The following PCDH15 variants were observed in gnomAD, a reference collection of about 807,000 sequenced individuals.
PCDH15 encodes the protein protocadherin related 15.
Under a neutral mutation model 178.5 loss-of-function variants are expected in PCDH15, and 129 were observed. The observed-to-expected ratio is 0.72, with a 90% CI of 0.63 to 0.84. The LOEUF (loss-of-function observed/expected upper bound fraction) is 0.84, where lower values mean the gene tolerates loss of function less well. Ranked by LOEUF, PCDH15 falls within the 40% of genes least tolerant of loss-of-function variation. PCDH15 has a pLI of 0.00. For missense variants in PCDH15, 2,230 were observed against 2,099.9 expected (o/e 1.06, Z -1.21); for synonymous variants, 800 against 732.0 (o/e 1.09, Z -1.50).
intron 21 of PCDH15, among the ~76,000 whole-genome samples, chr10:53,988,621 T>A (rs1452118364): frequency 6.6e-6 from 1 of 152,048 alleles, no homozygotes; most frequent in Non-Finnish European, 1.5e-5. Context: ...AGAATCCAGG[T>A]CATGAGAAGC....
intron 2 of PCDH15, among the ~76,000 whole-genome samples, chr10:55,517,591 GT>G (rs1450761655): frequency 6.6e-6 from 1 of 152,124 alleles, no homozygotes; most frequent in East Asian, 1.9e-4. Flanking sequence ...GAGAATAGTG[GT>G]TTTTTTACAA....
At chr10:54,763,107 G>A (rs1479228516) in intron 1 of PCDH15, among the ~76,000 whole-genome samples, 1 of 152,118 alleles carries the variant, frequency 6.6e-6, no homozygotes. Flanking sequence ...GGGTAATAGG[G>A]AGGCTCATTT....
At chr10:54,348,232 C>G (rs1006744561) in intron 5 of PCDH15, among the ~76,000 whole-genome samples, 4 of 152,096 alleles carry the variant, frequency 2.6e-5, no homozygotes, top group Admixed American at 2.6e-4. Context: ...TTTGCAATCT[C>G]TGATTTAGGA....
chr10:55,200,386 T>C (rs549641986), intron 1 of PCDH15, among the ~76,000 whole-genome samples: 1 of 152,120 alleles, frequency 6.6e-6, no homozygotes, highest in Non-Finnish European at 1.5e-5. Context: ...TTCTCCTGTC[T>C]GGAATGGAAT....
chr10:55,256,139 A>G lies in PCDH15; in HGVS notation c.-156+63460T>C, dbSNP rs184524496. On this transcript the variant is annotated intron_variant, in intron 1 of 5. Transcript: ENST00000458638. ...ATTAATTTTTGTATAAGGTGTAAGG[A>G]AGAGATCCAGTTTCAGCTTTCTACA... 1.2e-3 allele frequency among the ~76,000 whole-genome samples: 183 copies of G among 152,288 alleles called. 1 individual carries two copies. The highest frequency in any genetic ancestry group is 3.6e-3 in the African/African-American group (150 of 41,564).
At chr10:55,554,274 C>T (rs988939714) in intron 2 of PCDH15, among the ~76,000 whole-genome samples, 11 of 151,902 alleles carry the variant, frequency 7.2e-5, no homozygotes, top group Admixed American at 2.0e-4. Flanking sequence ...TATTTTTCTT[C>T]GTTTTTGAAG....
chr10:55,288,306 G>A (rs1264550575), intron 1 of PCDH15, among the ~76,000 whole-genome samples: 1 of 151,218 alleles, frequency 6.6e-6, no homozygotes, highest in Non-Finnish European at 1.5e-5. Flanking sequence ...ATTGTAGGAT[G>A]TAAGCATCTG....
intron 2 of PCDH15, among the ~76,000 whole-genome samples, chr10:55,019,108 T>C (rs1411153516): frequency 6.6e-6 from 1 of 152,152 alleles, no homozygotes; most frequent in East Asian, 1.9e-4. Context: ...TATTATAATA[T>C]TACATTATCA....
chr10:54,782,939 C>T (rs1223202766), intron 1 of PCDH15, among the ~76,000 whole-genome samples: 1 of 152,070 alleles, frequency 6.6e-6, no homozygotes, highest in Non-Finnish European at 1.5e-5. Flanking sequence ...AGCCAAAGCA[C>T]TCTACCAAAC....
intron 3 of PCDH15, among the ~76,000 whole-genome samples, chr10:54,409,809 GC>G (rs1020654248): frequency 6.6e-5 from 10 of 152,060 alleles, no homozygotes; most frequent in African/African-American, 9.7e-5. Flanking sequence ...GAGACTGGTG[GC>G]TTTAGAAGAA....
intron 3 of PCDH15, among the ~76,000 whole-genome samples, chr10:54,424,915 G>T (rs544930978): frequency 3.8e-4 from 56 of 149,264 alleles, no homozygotes; most frequent in African/African-American, 1.3e-3. Context: ...TGTAAATGAT[G>T]AGTTAATGGG....
chr10:55,305,656 A>G (rs1384253444), intron 1 of PCDH15, among the ~76,000 whole-genome samples: 1 of 152,260 alleles, frequency 6.6e-6, no homozygotes, highest in Non-Finnish European at 1.5e-5. Context: ...CAATGGGAAT[A>G]AACTACTCTG....
chr10:53,873,099 C>G (rs113630940), intron 26 of PCDH15, among the ~76,000 whole-genome samples: 1 of 152,096 alleles, frequency 6.6e-6, no homozygotes, highest in African/African-American at 2.4e-5. Flanking sequence ...TTACTGAGTC[C>G]ACACTCGTGA....
chr10:55,167,334 T>G (rs542381220), intron 1 of PCDH15, among the ~76,000 whole-genome samples: 2 of 152,118 alleles, frequency 1.3e-5, no homozygotes, highest in African/African-American at 4.8e-5. Context: ...CAGGCTTGTC[T>G]CAAACTTCTG....
chr10:54,138,303 G>A (rs2043071962), intron 14 of PCDH15, among the ~76,000 whole-genome samples: 1 of 151,894 alleles, frequency 6.6e-6, no homozygotes, highest in Admixed American at 6.6e-5. Context: ...AGTGGGATTG[G>A]CTCCTCTCAA....
At chr10:55,572,010 T>C (rs910263870) in intron 2 of PCDH15, among the ~76,000 whole-genome samples, 1 of 152,040 alleles carries the variant, frequency 6.6e-6, no homozygotes, top group African/African-American at 2.4e-5. Context: ...AAAAATATCA[T>C]TTTAATTGTT....
chr10:55,544,552 C>T (rs1217345000), intron 2 of PCDH15, among the ~76,000 whole-genome samples: 2 of 152,026 alleles, frequency 1.3e-5, no homozygotes, highest in African/African-American at 2.4e-5. Context: ...ATTAAAATTT[C>T]TGTTTATTTT....
At chr10:54,463,213 G>A (rs969507282) in intron 3 of PCDH15, among the ~76,000 whole-genome samples, 1 of 152,062 alleles carries the variant, frequency 6.6e-6, no homozygotes, top group African/African-American at 2.4e-5. Context: ...ATGTTGCTTT[G>A]ATGGTACCAA....
chr10:54,448,819 A>C (rs1394972554), intron 3 of PCDH15, among the ~76,000 whole-genome samples: 1 of 151,742 alleles, frequency 6.6e-6, no homozygotes, highest in Non-Finnish European at 1.5e-5. Context: ...TCATTTAATC[A>C]AACCCAGTTT....
Sources: gnomAD v4.1 joint callset for allele counts (sites outside exome capture counted in the v4.1 genomes callset) on GRCh38, gnomAD v4.1.1 for gene constraint, MANE v1.5 for transcripts, NCBI Gene and HGNC (gene_info 2026-07-23, HGNC 2026-07-21) for gene names.